The following LRRC7 variants were observed in gnomAD, a reference collection of about 807,000 sequenced individuals.
LRRC7 encodes the protein leucine-rich repeat-containing protein 7.
In LRRC7, 23 loss-of-function variants were observed where a neutral mutation model predicts 175.7. The ratio of observed to expected loss-of-function variants is 0.13; its 90% CI spans 0.09 to 0.19. The LOEUF (loss-of-function observed/expected upper bound fraction) is 0.19, where lower values mean the gene tolerates loss of function less well. LRRC7 is among the 10% of genes least tolerant of loss of function. The pLI, the probability that LRRC7 is intolerant of heterozygous loss-of-function variation, is 1.00. For synonymous variants in LRRC7, 685 were observed against 680.9 expected, an observed-to-expected ratio of 1.01 and a Z score of -0.09; for missense variants, 1,354 against 1,904.7, an observed-to-expected ratio of 0.71 and a Z score of 5.38.
chr1:69,799,845 C>T (rs1420748929), intron 4 of LRRC7, among the ~76,000 whole-genome samples: 1 of 152,066 alleles, frequency 6.6e-6, no homozygotes, highest in Non-Finnish European at 1.5e-5. Flanking sequence ...CGTGTTTTCT[C>T]TGGATTTTCT....
At chr1:69,955,740 G>T (rs953173977) in intron 8 of LRRC7, among the ~76,000 whole-genome samples, 1 of 151,936 alleles carries the variant, frequency 6.6e-6, no homozygotes. Context: ...ATGAATCCAA[G>T]CAATTTTTTT....
At chr1:69,762,406 C>T (rs372730840) in intron 3 of LRRC7, among the ~76,000 whole-genome samples, 5 of 151,908 alleles carry the variant, frequency 3.3e-5, no homozygotes, top group African/African-American at 9.7e-5. Context: ...GATGTATAAT[C>T]GGAGCCAAAG....
chr1:69,911,959 GA>G (rs981525349), intron 7 of LRRC7, among the ~76,000 whole-genome samples: 16 of 151,132 alleles, frequency 1.1e-4, no homozygotes, highest in African/African-American at 3.6e-4. Context: ...ATACAAGTAA[GA>G]AAACAACACA....
intron 1 of LRRC7, among the ~76,000 whole-genome samples, chr1:69,572,119 C>G (rs1019838044): frequency 6.6e-6 from 1 of 152,028 alleles, no homozygotes; most frequent in Non-Finnish European, 1.5e-5. Context: ...TTATGACAAG[C>G]CGAGTTACCA....
chr1:70,133,900 A>G lies in LRRC7; in HGVS notation c.*12013A>G, dbSNP rs1186484187. Among the ~76,000 whole-genome samples, 1 of 152,170 alleles carries G rather than the reference A, an allele frequency of 6.6e-6. No individual in the cohort carries two copies. The highest frequency in any genetic ancestry group is 1.9e-4 in the East Asian group (1 of 5,180). ...AAGTATGTGGGAATAGATTTGTCTC[A>G]AGTTACTCAAAATTTATTTTTAAAG... On this transcript the variant is annotated 3_prime_UTR_variant, in exon 27 of 27. Coordinates refer to ENST00000651989, the MANE Select transcript of LRRC7 (RefSeq NM_001370785.2).
chr1:70,023,457 A>T (rs1488377138), intron 17 of LRRC7, 83 bp downstream of exon 17: 3 of 1,318,526 alleles, frequency 2.3e-6, no homozygotes, highest in Non-Finnish European at 3.0e-6. Flanking sequence ...GTTCTGCATG[A>T]TTTGGGGTAA....
chr1:69,583,670 T>C (rs1646288310), intron 1 of LRRC7, among the ~76,000 whole-genome samples: 1 of 152,158 alleles, frequency 6.6e-6, no homozygotes, highest in Non-Finnish European at 1.5e-5. Context: ...TTACCCCCAA[T>C]TGGGGAAATG....
At chr1:69,832,301 A>G (rs959040108) in intron 5 of LRRC7, among the ~76,000 whole-genome samples, 3 of 152,128 alleles carry the variant, frequency 2.0e-5, no homozygotes, top group Admixed American at 6.6e-5. Context: ...TGAGAGGGAC[A>G]TTAATTCCAT....
At chr1:70,100,533 A>G (rs1168379735) in intron 25 of LRRC7, among the ~76,000 whole-genome samples, 1 of 152,100 alleles carries the variant, frequency 6.6e-6, no homozygotes, top group Non-Finnish European at 1.5e-5. Flanking sequence ...ATGCATTATT[A>G]ATAAATTTTT....
At chr1:69,696,611 A>G (rs1662622687) in intron 2 of LRRC7, among the ~76,000 whole-genome samples, 1 of 152,148 alleles carries the variant, frequency 6.6e-6, no homozygotes, top group Non-Finnish European at 1.5e-5. Context: ...TCCAAATCTC[A>G]TGTTGAAATG....
In LRRC7 at chr1:70,013,055, C is replaced by G. The variant is rs1656655134; in HGVS notation, c.1216C>G (p.Gln406Glu). The stretch of plus-strand genomic sequence containing the variant: ...TCTTCCTGAAGAGATTGGACAGATG[C>G]AGAAACTAAGAGTCCTAAATTTGAG... ...EFLPEEIGQMQKLRVLNLSDN... is the reference protein window; with the variant it reads ...EFLPEEIGQMEKLRVLNLSDN... The change falls in exon 13 of 27, where the codon CAG becomes GAG. Residue 406 changes from glutamine to glutamate, a missense_variant. Transcript: ENST00000651989. 6.3e-7 allele frequency: 1 copy of G among 1,584,578 alleles called. No homozygotes were observed. Among genetic ancestry groups the G allele is most frequent in the African/African-American group, 1.4e-5 (1 of 73,580 alleles).
rs1422563265 is a variant in LRRC7 at position 70,135,854 on chromosome 1, A to T, written c.*13967A>T. Among the ~76,000 whole-genome samples the T allele has an allele frequency of 6.6e-6, 1 of 152,202 alleles. No homozygotes were observed. The highest frequency in any genetic ancestry group is 1.5e-5 in the Non-Finnish European group (1 of 68,040). ...GATATAAATCTTCAGCCATACTTGT[A>T]GAATCGTTTGACTAAGCAACGGGTA... On this transcript the variant is annotated 3_prime_UTR_variant, in exon 27 of 27. Coordinates refer to ENST00000651989, the MANE Select transcript of LRRC7 (RefSeq NM_001370785.2).
intron 7 of LRRC7, among the ~76,000 whole-genome samples, chr1:69,886,770 C>T (rs1459371100): frequency 6.6e-6 from 1 of 150,934 alleles, no homozygotes; most frequent in African/African-American, 2.4e-5. Context: ...TGTTCCTTTC[C>T]ATGTTTAGCG....
chr1:69,712,583 C>T (rs1048366759), intron 2 of LRRC7, among the ~76,000 whole-genome samples: 9 of 151,970 alleles, frequency 5.9e-5, no homozygotes, highest in Admixed American at 3.9e-4. Flanking sequence ...CCAGCCTGGG[C>T]GACAGAGCGA....
intron 3 of LRRC7, among the ~76,000 whole-genome samples, chr1:69,781,840 AGGAAGGGAG>A (rs1673723423): frequency 9.1e-6 from 1 of 110,420 alleles, no homozygotes; most frequent in African/African-American, 4.0e-5. Context: ...GAAGGAAGGA[AGGAAGGGAG>A]AGAAAGAAAG....
At position 69,996,589 on chromosome 1, in the gene LRRC7, A is replaced by G. The variant is rs568277444; in HGVS notation, c.1004+1956A>G. On this transcript the variant is annotated intron_variant, in intron 11 of 26. Coordinates refer to ENST00000651989, the MANE Select transcript of LRRC7 (RefSeq NM_001370785.2). ...TTGATTTTTGTATAAGGTGTAAGGA[A>G]GGGATCCAGTTTCAGCTTTCTACAT... is the stretch of plus-strand genomic sequence containing the variant. 1.2e-3 allele frequency among the ~76,000 whole-genome samples: 187 copies of G among 151,914 alleles called. 2 individuals are homozygous for G. Among genetic ancestry groups the G allele is most frequent in the Admixed American group, 0.011 (175 of 15,272 alleles).
chr1:70,039,931 G>A (rs888249080), intron 21 of LRRC7, 138 bp downstream of exon 21: 2 of 1,166,826 alleles, frequency 1.7e-6, no homozygotes, highest in Non-Finnish European at 1.2e-6. Context: ...TTATATTGTG[G>A]GGAAAATGGA....
intron 7 of LRRC7, among the ~76,000 whole-genome samples, chr1:69,900,198 G>A (rs1056228999): frequency 5.3e-5 from 8 of 152,266 alleles, no homozygotes; most frequent in African/African-American, 7.2e-5. Flanking sequence ...CAATATTACT[G>A]ATAGGAGTCT....
chr1:69,904,968 A>G (rs1341717005), intron 7 of LRRC7, among the ~76,000 whole-genome samples: 1 of 152,180 alleles, frequency 6.6e-6, no homozygotes, highest in East Asian at 1.9e-4. Context: ...AACACCCTCC[A>G]TTATGTATAA....
Sources: gnomAD v4.1 joint callset for allele counts (sites outside exome capture counted in the v4.1 genomes callset) on GRCh38, gnomAD v4.1.1 for gene constraint, MANE v1.5 for transcripts, NCBI Gene and HGNC (gene_info 2026-07-23, HGNC 2026-07-21) for gene names.